Variants in CD46 observed in about 807,000 individuals in gnomAD.
The protein encoded by CD46 is membrane cofactor protein.
Under a neutral mutation model 53.3 loss-of-function variants are expected in CD46, and 30 were observed. The ratio of observed to expected loss-of-function variants is 0.56; its 90% CI spans 0.42 to 0.76. The LOEUF (loss-of-function observed/expected upper bound fraction) is 0.76, where lower values mean the gene tolerates loss of function less well. Ranked by LOEUF, CD46 falls within the 30% of genes least tolerant of loss-of-function variation. CD46 has a pLI of 0.00. For missense variants in CD46, 409 were observed against 463.0 expected, an observed-to-expected ratio of 0.88 and a Z score of 1.07; for synonymous variants, 142 against 152.0, an observed-to-expected ratio of 0.93 and a Z score of 0.48.
In CD46 at chr1:207,757,569, T is replaced by G; in HGVS notation, c.316T>G (p.Leu106Val). The change falls in exon 3 of 13, where the codon TTA (leucine) becomes GTA (valine). Residue 106 changes from leucine to valine, a missense_variant. Transcript: ENST00000367042. ...AACATGTCCATATATACGGGATCCT[T>G]TAAATGGCCAAGCAGTCCCTGCAAA... is the stretch of plus-strand genomic sequence containing the variant. ...RETCPYIRDP[L>V]NGQAVPANGT... is the part of the protein sequence containing the mutation. 6.2e-7 allele frequency: 1 copy of G among 1,610,154 alleles called. No homozygotes were observed. The highest frequency in any genetic ancestry group is 2.2e-5 in the East Asian group (1 of 44,810).
rs1288283223 is a variant in CD46, at chr1:207,763,560, T to C, written c.673+2114T>C. Among the ~76,000 whole-genome samples, 6 of 152,254 alleles carry C rather than the reference T, an allele frequency of 3.9e-5. No homozygotes were observed. The East Asian group carries it at 1.2e-3, about 29-fold the overall frequency. ...AGACGGCGAGCTGCAACTGCAGCAATCTTGTTTAAATTTAGGTAGGTGAAT... is the reference window on the plus strand; with the variant it reads ...AGACGGCGAGCTGCAACTGCAGCAACCTTGTTTAAATTTAGGTAGGTGAAT... On this transcript the variant is annotated intron_variant, in intron 5 of 12. Transcript: ENST00000367042.
At chr1:207,784,359 A>C (rs530429363) in intron 9 of CD46, among the ~76,000 whole-genome samples, 2 of 152,156 alleles carry the variant, frequency 1.3e-5, no homozygotes, top group African/African-American at 2.4e-5. Context: ...AACTAAACCA[A>C]CTCTCATGGG....
intron 11 of CD46, among the ~76,000 whole-genome samples, chr1:207,787,106 C>G (rs1659339475): frequency 1.3e-5 from 2 of 152,158 alleles, no homozygotes; most frequent in South Asian, 2.1e-4. Flanking sequence ...GAGTCTTGCT[C>G]TGTCACCCAG....
Position 207,757,584 on chromosome 1 carries a change from G to C in CD46, c.331G>C (p.Val111Leu). Reference protein sequence around the residue: ...YIRDPLNGQAVPANGTYEFGY... With the variant: ...YIRDPLNGQALPANGTYEFGY... ...ACGGGATCCTTTAAATGGCCAAGCA[G>C]TCCCTGCAAATGGGACTTACGAGTT... Residue 111 changes from valine to leucine, a missense_variant, in exon 3 of 13, where the codon GTC becomes CTC. By Grantham distance (32) the Val-to-Leu change is conservative. Transcript: ENST00000367042. 6.2e-7 allele frequency: 1 copy of C among 1,611,810 alleles called. No homozygotes were observed. The highest frequency in any genetic ancestry group is 1.1e-5 in the South Asian group (1 of 90,698).
intron 8 of CD46, among the ~76,000 whole-genome samples, chr1:207,772,511 A>G (rs1045288815): frequency 6.6e-6 from 1 of 152,182 alleles, no homozygotes; most frequent in Non-Finnish European, 1.5e-5. Flanking sequence ...GTTTTTGCCC[A>G]TTCGGTATGA....
At chr1:207,768,130 TG>T in intron 7 of CD46, 1 of 320,654 alleles carries the variant, frequency 3.1e-6, no homozygotes, top group South Asian at 3.3e-5. Context: ...AAGGTATAAG[TG>T]GGATGCATTT....
Position 207,767,766 on chromosome 1 carries a change from T to C in CD46, c.857-13T>C. 6.2e-7 allele frequency: 1 copy of C among 1,612,008 alleles called. No individual in the cohort carries two copies. The highest frequency in any genetic ancestry group is 1.1e-5 in the South Asian group (1 of 91,022). On this transcript the variant is annotated splice_polypyrimidine_tract_variant and intron_variant, in intron 6 of 12. Transcript: ENST00000367042. Reference sequence around the variant, plus strand: ...GTGTTTGGTCCAATCTACATTATTATTTTGTTTTCCAGTGTCGACTTCTTC... The same window carrying C: ...GTGTTTGGTCCAATCTACATTATTACTTTGTTTTCCAGTGTCGACTTCTTC...
In CD46 at chr1:207,793,516, C is replaced by G. The variant is rs1343795336; in HGVS notation, c.*42-3C>G. 15 of 1,610,482 alleles carry G rather than the reference C, an allele frequency of 9.3e-6. No individual in the cohort carries two copies. The highest frequency in any genetic ancestry group is 1.2e-5 in the Non-Finnish European group (14 of 1,176,884). On this transcript the variant is annotated splice_region_variant and splice_polypyrimidine_tract_variant and intron_variant, in intron 12 of 12. Transcript: ENST00000367042. ...GACATGATCTTTATACCTTGGTTTG[C>G]AGGAAAGCAGATGGTGGAGCTGAAT...
rs1655992403 is a variant in CD46 at position 207,759,903 on chromosome 1, ATTCTTTTT to A, written c.475+180_475+187del. 4 of 549,780 alleles carry A rather than the reference ATTCTTTTT, an allele frequency of 7.3e-6. No homozygotes were observed. The African/African-American group carries it at 7.7e-5, about 11-fold the overall frequency. The allele number at this position is 549,780 out of a possible 1,614,324, so 34.1% of individuals were successfully genotyped here. ...CGGAGAGGTTTTTAAATAATTATTG[ATTCTTTTT>A]GGTTTTGTTTGTTTTTCCTAAGACA... On this transcript the variant is annotated intron_variant, in intron 4 of 12. Transcript: ENST00000367042.
In CD46 at chr1:207,767,947, T is replaced by A. The variant is rs548016774; in HGVS notation, c.901+124T>A. ...TAGTAATGAAAGGAGGGAGGACATT[T>A]GTATAGCCATTTTAGTTGTTATACA... On this transcript the variant is annotated intron_variant, in intron 7 of 12. Coordinates refer to ENST00000367042, the MANE Select transcript of CD46 (RefSeq NM_172351.3). 4.7e-5 allele frequency: 37 copies of A among 782,112 alleles called. No homozygotes were observed. The East Asian group carries it at 8.7e-4, about 18-fold the overall frequency. 48.4% of individuals were successfully genotyped at this position (782,112 alleles called of 1,614,324 possible). A position where few individuals can be genotyped will look rare whatever the true frequency, so the allele number is the denominator to read the frequency against.
intron 5 of CD46, chr1:207,763,287 C>G (rs1401233819): frequency 6.6e-6 from 1 of 152,350 alleles, no homozygotes; most frequent in African/African-American, 2.4e-5. Context: ...GAGTGCTGGC[C>G]AGGCGTGGAG....
intron 5 of CD46, among the ~76,000 whole-genome samples, chr1:207,765,501 C>T (rs1656739484): frequency 6.6e-6 from 1 of 152,206 alleles, no homozygotes; most frequent in Non-Finnish European, 1.5e-5. Context: ...ACTCTTACCA[C>T]TCCATTCAGC....
intron 1 of CD46, among the ~76,000 whole-genome samples, chr1:207,753,873 G>A (rs1655203144): frequency 6.6e-6 from 1 of 152,076 alleles, no homozygotes. Flanking sequence ...TTCCTTAGGA[G>A]CATTCATTCA....
rs969331576 is a variant in CD46 at position 207,752,087 on chromosome 1, C to G, written c.-126C>G. On this transcript the variant is annotated 5_prime_UTR_variant, in exon 1 of 13. Transcript: ENST00000367042. The surrounding 1 kb of genome is among the most constrained non-coding windows in gnomAD (Gnocchi z 4.1). Reference sequence around the variant, plus strand: ...GGCCACGCCCACCTGTCCTGCAGCACTGGATGCTTTGTGAGTTGGGGATTG... The same window carrying G: ...GGCCACGCCCACCTGTCCTGCAGCAGTGGATGCTTTGTGAGTTGGGGATTG... 5 of 960,596 alleles carry G rather than the reference C, an allele frequency of 5.2e-6. No individual in the cohort carries two copies. The highest frequency in any genetic ancestry group is 4.8e-5 in the African/African-American group (3 of 62,656). The allele number at this position is 960,596 out of a possible 1,614,324, so 59.5% of individuals were successfully genotyped here.
intron 11 of CD46, 65 bp downstream of exon 11, chr1:207,785,747 C>A: frequency 2.9e-6 from 3 of 1,043,878 alleles, no homozygotes; most frequent in Non-Finnish European, 4.5e-6. Context: ...TTTTGTGCAG[C>A]TTCAGTTTGT....
Position 207,793,652 on chromosome 1 carries a change from T to C in CD46, c.*175T>C. The stretch of plus-strand genomic sequence containing the variant: ...TGACTCTATTAAAATCTTCAATAGT[T>C]GTTATTCTGTAGTTTCACTCTCATG... On this transcript the variant is annotated 3_prime_UTR_variant, in exon 13 of 13. Coordinates refer to ENST00000367042, the MANE Select transcript of CD46 (RefSeq NM_172351.3). The C allele has an allele frequency of 7.3e-7, 1 of 1,364,142 alleles. No individual in the cohort carries two copies. The highest frequency in any genetic ancestry group is 1.0e-6 in the Non-Finnish European group (1 of 954,336). 84.5% of individuals were successfully genotyped at this position (1,364,142 alleles called of 1,614,324 possible). A position where few individuals can be genotyped will look rare whatever the true frequency, so the allele number is the denominator to read the frequency against.
intron 3 of CD46, among the ~76,000 whole-genome samples, chr1:207,758,134 C>T (rs536563960): frequency 6.6e-6 from 1 of 152,276 alleles, no homozygotes; most frequent in East Asian, 1.9e-4. Flanking sequence ...TGTGAAGCAT[C>T]TCAAGAGCAG....
chr1:207,790,339 T>C lies in CD46; in HGVS notation c.*35T>C. On this transcript the variant is annotated 3_prime_UTR_variant, in exon 12 of 13. Transcript: ENST00000367042. Reference sequence around the variant, plus strand: ...ATGAGAGAAAGGTTTGCTTTTATCATTAAAAGGTATCTGTTTTCTGTTGTT... The same window carrying C: ...ATGAGAGAAAGGTTTGCTTTTATCACTAAAAGGTATCTGTTTTCTGTTGTT... The C allele has an allele frequency of 6.7e-7, 1 of 1,497,518 alleles. No homozygotes were observed. Among genetic ancestry groups the C allele is most frequent in the Non-Finnish European group, 9.3e-7 (1 of 1,074,534 alleles). The allele number at this position is 1,497,518 out of a possible 1,614,324, so 92.8% of individuals were successfully genotyped here. A position where few individuals can be genotyped will look rare whatever the true frequency, so the allele number is the denominator to read the frequency against.
Position 207,754,864 on chromosome 1 carries a change from T to C in CD46, c.98-2150T>C, listed in dbSNP as rs41316831. 3.4e-3 allele frequency among the ~76,000 whole-genome samples: 511 copies of C among 151,278 alleles called. 4 individuals carry two copies. The highest frequency in any genetic ancestry group is 0.012 in the African/African-American group (485 of 41,226). On this transcript the variant is annotated intron_variant, in intron 1 of 12. Coordinates refer to ENST00000367042, the MANE Select transcript of CD46 (RefSeq NM_172351.3). ...AGAAGAAAACAAAAGGACTTTTTTTTTTTTCTTTTAAGATTAATGTTTAGA... is the reference window on the plus strand; with the variant it reads ...AGAAGAAAACAAAAGGACTTTTTTTCTTTTCTTTTAAGATTAATGTTTAGA...
Sources: allele counts gnomAD v4.1 joint callset (sites outside exome capture counted in the v4.1 genomes callset), GRCh38; gene constraint gnomAD v4.1.1; non-coding constraint Gnocchi (gnomAD v3.1); transcripts MANE v1.5; gene names NCBI Gene and HGNC (gene_info 2026-07-23, HGNC 2026-07-21).